The following KIF3A variants were observed in gnomAD, a reference collection of about 807,000 sequenced individuals.
KIF3A encodes kinesin-like protein KIF3A.
KIF3A carries 27 observed loss-of-function variants against 92.6 expected under a neutral mutation model. The ratio of observed to expected loss-of-function variants is 0.29; its 90% CI spans 0.21 to 0.40. KIF3A has a LOEUF of 0.40. KIF3A is among the 10% of genes least tolerant of loss of function. KIF3A has a pLI of 1.00. For missense variants in KIF3A, 581 were observed against 872.6 expected, an observed-to-expected ratio of 0.67 and a Z score of 4.21; for synonymous variants, 250 against 275.4, an observed-to-expected ratio of 0.91 and a Z score of 0.92.
chr5:132,706,209 T>C (rs1209770103), intron 11 of KIF3A, among the ~76,000 whole-genome samples: 2 of 152,090 alleles, frequency 1.3e-5, no homozygotes, highest in Non-Finnish European at 2.9e-5. Context: ...AGAAAAATGT[T>C]TGAATGTGAA....
At chr5:132,736,911 T>C (rs922365899) in intron 1 of KIF3A, 1 of 340,140 alleles carries the variant, frequency 2.9e-6, no homozygotes, top group Non-Finnish European at 5.9e-6. Context: ...ACGGGTTTCA[T>C]TCTGCATCAT....
At position 132,716,227 on chromosome 5, in the gene KIF3A, T is replaced by C. The variant is rs371632509; in HGVS notation, c.954+18A>G. On this transcript the variant is annotated intron_variant, in intron 7 of 18. Coordinates refer to ENST00000403231, the MANE Select transcript of KIF3A (RefSeq NM_001300791.2). ...TTAAATTTGCCTGATGTTAACTATA[T>C]CACCAATTAAGTCTTACCATCATGG... is the stretch of plus-strand genomic sequence containing the variant. 1.3e-6 allele frequency: 2 copies of C among 1,577,308 alleles called. No individual in the cohort carries two copies. The highest frequency in any genetic ancestry group is 1.7e-6 in the Non-Finnish European group (2 of 1,147,646).
intron 8 of KIF3A, among the ~76,000 whole-genome samples, chr5:132,711,929 TCAG>T (rs1341472778): frequency 1.3e-5 from 2 of 152,100 alleles, no homozygotes; most frequent in African/African-American, 4.8e-5. Flanking sequence ...ATAAAACAGA[TCAG>T]CACTATATCA....
At chr5:132,691,756 G>T (rs1752670538), downstream of KIF3A, among the ~76,000 whole-genome samples, 1 of 151,322 alleles carries the variant, frequency 6.6e-6, no homozygotes, top group African/African-American at 2.4e-5. Flanking sequence ...TACAAAATTA[G>T]CCAGGCATGG....
chr5:132,729,956 C>T (rs151300290), intron 2 of KIF3A, among the ~76,000 whole-genome samples: 1 of 152,054 alleles, frequency 6.6e-6, no homozygotes, highest in Non-Finnish European at 1.5e-5. Flanking sequence ...AAAGCTGGTT[C>T]TCTGAGAAGA....
At chr5:132,726,106 C>T in intron 4 of KIF3A, 22 bp downstream of exon 4, 2 of 1,526,228 alleles carry the variant, frequency 1.3e-6, no homozygotes, top group Non-Finnish European at 8.9e-7. Flanking sequence ...AAAAGTACTC[C>T]ACCAATTTCA....
chr5:132,716,160 A>T (rs1753614068), intron 7 of KIF3A, 85 bp downstream of exon 7: 6 of 1,184,290 alleles, frequency 5.1e-6, no homozygotes, highest in African/African-American at 4.6e-5. Flanking sequence ...AATCAAGTTT[A>T]AAAAATGTGA....
intron 1 of KIF3A, among the ~76,000 whole-genome samples, chr5:132,735,018 C>T (rs957759369): frequency 9.9e-5 from 15 of 151,980 alleles, no homozygotes; most frequent in African/African-American, 2.9e-4. Flanking sequence ...AAGAAAAATG[C>T]CTTAGTATTA....
chr5:132,718,227 C>T (rs1753700968), intron 5 of KIF3A, among the ~76,000 whole-genome samples: 1 of 152,148 alleles, frequency 6.6e-6, no homozygotes, highest in African/African-American at 2.4e-5. Flanking sequence ...ACATACTGTT[C>T]TACAATTTGC....
chr5:132,697,258 C>G (rs980585948), intron 18 of KIF3A, among the ~76,000 whole-genome samples: 1 of 152,020 alleles, frequency 6.6e-6, no homozygotes, highest in Non-Finnish European at 1.5e-5. Context: ...TTTATGGCTA[C>G]CATTTTCTTA....
At chr5:132,714,972 A>G (rs75641006) in intron 8 of KIF3A, among the ~76,000 whole-genome samples, 7,129 of 152,268 alleles carry the variant, frequency 0.047, 567 homozygotes, top group African/African-American at 0.16. Flanking sequence ...CTTTTCCTCA[A>G]TAACTACTTG....
intron 2 of KIF3A, among the ~76,000 whole-genome samples, chr5:132,729,600 T>A (rs1754157297): frequency 6.6e-6 from 1 of 152,108 alleles, no homozygotes; most frequent in Non-Finnish European, 1.5e-5. Context: ...ACCAAAAATC[T>A]CTAGAGAATT....
At position 132,713,674 on chromosome 5, in the gene KIF3A, G is replaced by A. The variant is rs185873953; in HGVS notation, c.1129+2083C>T. On this transcript the variant is annotated intron_variant, in intron 8 of 18. Transcript: ENST00000403231. ...TTCAAACAGGTATTAGTATACCCACGTTCATAGCAGCATTATTCACAATAG... is the reference window on the plus strand; with the variant it reads ...TTCAAACAGGTATTAGTATACCCACATTCATAGCAGCATTATTCACAATAG... 5.7e-4 allele frequency among the ~76,000 whole-genome samples: 86 copies of A among 152,130 alleles called. 2 individuals carry two copies. The highest frequency in any genetic ancestry group is 5.6e-3 in the Admixed American group (85 of 15,296).
At chr5:132,699,564 T>C (rs1752958505) in intron 17 of KIF3A, 1 of 448,958 alleles carries the variant, frequency 2.2e-6, no homozygotes, top group Non-Finnish European at 4.4e-6. Flanking sequence ...CTTCTTCTTT[T>C]TTTTTTTTTT....
At chr5:132,718,571 G>A (rs1397300075) in intron 5 of KIF3A, among the ~76,000 whole-genome samples, 4 of 152,072 alleles carry the variant, frequency 2.6e-5, no homozygotes, top group Non-Finnish European at 5.9e-5. Context: ...CAGCCACCCA[G>A]AGTGCTGGGA....
chr5:132,713,889 C>CTTTTTTT (rs34191042), intron 8 of KIF3A, among the ~76,000 whole-genome samples: 161 of 83,734 alleles, frequency 1.9e-3, no homozygotes, highest in Non-Finnish European at 2.4e-3. Flanking sequence ...ATTTCACTTT[C>CTTTTTTT]TTTTTTTTTT....
At chr5:132,723,018 T>G (rs1753877401) in intron 4 of KIF3A, 1 of 152,194 alleles carries the variant, frequency 6.6e-6, no homozygotes, top group Admixed American at 6.5e-5. Flanking sequence ...AAAGTATGTG[T>G]ATAGGTAGAT....
chr5:132,690,406 T>C (rs1259627439), downstream of KIF3A, among the ~76,000 whole-genome samples: 1 of 151,374 alleles, frequency 6.6e-6, no homozygotes, highest in East Asian at 2.0e-4. Flanking sequence ...ACAAAGTCAT[T>C]TGAGACACAA....
intron 16 of KIF3A, 97 bp downstream of exon 16, chr5:132,700,550 T>C (rs1211794650): frequency 1.3e-6 from 1 of 799,562 alleles, no homozygotes; most frequent in African/African-American, 1.7e-5. Flanking sequence ...CTGATTCATC[T>C]ACTGGACCAT....
Sources: allele counts gnomAD v4.1 joint callset (sites outside exome capture counted in the v4.1 genomes callset), GRCh38; gene constraint gnomAD v4.1.1; transcripts MANE v1.5; gene names NCBI Gene and HGNC (gene_info 2026-07-23, HGNC 2026-07-21).